The following ITPR2 variants were observed in gnomAD, a reference collection of about 807,000 sequenced individuals.
ITPR2 encodes the protein inositol 1,4,5-trisphosphate receptor type 2.
A neutral mutation model predicts 317.1 loss-of-function variants in ITPR2; 207 were observed. The ratio of observed to expected loss-of-function variants is 0.65; its 90% CI spans 0.58 to 0.73. The LOEUF (loss-of-function observed/expected upper bound fraction) is 0.73, where lower values mean the gene tolerates loss of function less well. ITPR2 is among the 30% of genes least tolerant of loss of function. The probability of loss-of-function intolerance (pLI) is 0.00; values close to 1 mark genes in which losing one functional copy is unlikely to be tolerated. For missense variants in ITPR2, 2,613 were observed against 3,284.0 expected (o/e 0.80, Z 4.99); for synonymous variants, 1,156 against 1,149.1 (o/e 1.01, Z -0.12).
rs773624105 is a variant in ITPR2 at position 26,724,709 on chromosome 12, A to G, written c.313T>C (p.Ser105Pro). 1.2e-6 allele frequency: 2 copies of G among 1,606,716 alleles called. No individual in the cohort carries two copies. Among genetic ancestry groups the G allele is most frequent in the East Asian group, 2.2e-5 (1 of 44,656 alleles). ...AAELEQKQNE[S>P]ENKKLLGEIV... Reference sequence around the variant, plus strand: ...TCTCCCAACAGTTTCTTATTCTCCGATTCATTTTGTTTTTGTTCCAGTTCT... The same window carrying G: ...TCTCCCAACAGTTTCTTATTCTCCGGTTCATTTTGTTTTTGTTCCAGTTCT... Residue 105 changes from serine to proline, a missense_variant, in exon 4 of 57, where the codon TCG (serine) becomes CCG (proline). Ser to Pro is a moderately conservative substitution (Grantham distance 74, BLOSUM62 -1). This residue lies in a region of ITPR2 where 515 missense variants were observed against 789.4 expected (regional missense o/e 0.65). Transcript: ENST00000381340.
intron 21 of ITPR2, chr12:26,648,605 C>T (rs1450798676): frequency 8.5e-6 from 1 of 118,084 alleles, no homozygotes; most frequent in Non-Finnish European, 1.9e-5. Context: ...TGAGAGGAGT[C>T]CATATGAAAA....
rs554418040 is a variant in ITPR2, at chr12:26,695,654, G to C, written c.952-4C>G. 1.7e-5 allele frequency: 27 copies of C among 1,610,478 alleles called. No homozygotes were observed. In the South Asian group the frequency reaches 2.1e-4, roughly 12 times the overall value. On this transcript the variant is annotated splice_region_variant and splice_polypyrimidine_tract_variant and intron_variant, in intron 9 of 56. Coordinates refer to ENST00000381340, the MANE Select transcript of ITPR2 (RefSeq NM_002223.4). ...CATCTCGATAATCAGGATTAAGCTAGAAAAACAAAGGAAAATTTAGTTTTT... is the reference window on the plus strand; with the variant it reads ...CATCTCGATAATCAGGATTAAGCTACAAAAACAAAGGAAAATTTAGTTTTT...
intron 55 of ITPR2, among the ~76,000 whole-genome samples, chr12:26,350,089 A>G (rs1938433031): frequency 6.6e-6 from 1 of 152,104 alleles, no homozygotes; most frequent in African/African-American, 2.4e-5. Flanking sequence ...CTACCATGTT[A>G]TGGATGGTCC....
intron 55 of ITPR2, among the ~76,000 whole-genome samples, chr12:26,367,515 A>G (rs192361842): frequency 2.6e-5 from 4 of 152,348 alleles, no homozygotes; most frequent in Admixed American, 6.5e-5. Flanking sequence ...TGAAGATAGT[A>G]AAGGATAAGA....
intron 37 of ITPR2, among the ~76,000 whole-genome samples, chr12:26,496,286 C>T (rs1942929451): frequency 6.6e-6 from 1 of 152,208 alleles, no homozygotes; most frequent in African/African-American, 2.4e-5. Flanking sequence ...CAACTCTTGG[C>T]TACAAAATCC....
At chr12:26,782,793 G>GAAACT (rs1406222544) in intron 2 of ITPR2, among the ~76,000 whole-genome samples, 1 of 152,232 alleles carries the variant, frequency 6.6e-6, no homozygotes, top group Non-Finnish European at 1.5e-5. Context: ...AATCTTAGTT[G>GAAACT]ATTTCAAATC....
At chr12:26,500,719 G>A (rs1591834267) in intron 37 of ITPR2, among the ~76,000 whole-genome samples, 1 of 152,150 alleles carries the variant, frequency 6.6e-6, no homozygotes, top group East Asian at 1.9e-4. Flanking sequence ...CCCACTCCCT[G>A]TTACACCGAG....
chr12:26,811,055 A>C (rs915520481), intron 1 of ITPR2, among the ~76,000 whole-genome samples: 1 of 132,960 alleles, frequency 7.5e-6, no homozygotes, highest in African/African-American at 2.6e-5. Context: ...AAAAAAAAAA[A>C]AAAAACAGAA....
intron 9 of ITPR2, among the ~76,000 whole-genome samples, chr12:26,706,475 T>G (rs966400046): frequency 6.6e-6 from 1 of 152,174 alleles, no homozygotes; most frequent in Admixed American, 6.5e-5. Context: ...GTTTGTATGG[T>G]GCCACACACC....
chr12:26,759,217 G>A (rs1338893958), intron 2 of ITPR2, among the ~76,000 whole-genome samples: 1 of 152,176 alleles, frequency 6.6e-6, no homozygotes, highest in African/African-American at 2.4e-5. Flanking sequence ...TAGCAAACAG[G>A]AAGAATTTCT....
At chr12:26,408,368 T>A (rs1940426260) in intron 52 of ITPR2, among the ~76,000 whole-genome samples, 1 of 152,246 alleles carries the variant, frequency 6.6e-6, no homozygotes, top group Non-Finnish European at 1.5e-5. Flanking sequence ...AAATATTTAC[T>A]TTTTAAATTT....
At chr12:26,557,866 A>T (rs1034637729) in intron 35 of ITPR2, among the ~76,000 whole-genome samples, 20 of 152,224 alleles carry the variant, frequency 1.3e-4, no homozygotes, top group Non-Finnish European at 2.8e-4. Context: ...AGAAGAAAAA[A>T]AAACTAACTT....
chr12:26,610,325 T>G (rs1946233355), intron 26 of ITPR2, among the ~76,000 whole-genome samples: 4 of 152,208 alleles, frequency 2.6e-5, no homozygotes, highest in Admixed American at 2.6e-4. Flanking sequence ...AGAACCTTCT[T>G]AATATATATC....
At chr12:26,515,935 T>A (rs1943475837) in intron 37 of ITPR2, among the ~76,000 whole-genome samples, 1 of 146,926 alleles carries the variant, frequency 6.8e-6, no homozygotes, top group African/African-American at 2.5e-5. Flanking sequence ...CATGGAAAAA[T>A]TCCATCTCTA....
intron 37 of ITPR2, among the ~76,000 whole-genome samples, chr12:26,526,348 T>C (rs1433814418): frequency 1.3e-5 from 2 of 152,120 alleles, no homozygotes; most frequent in Non-Finnish European, 2.9e-5. Context: ...GGCACATGAA[T>C]AGCCAAGGGA....
intron 39 of ITPR2, among the ~76,000 whole-genome samples, chr12:26,492,103 T>G (rs758068652): frequency 1.3e-5 from 2 of 151,708 alleles, no homozygotes; most frequent in Non-Finnish European, 2.9e-5. Flanking sequence ...TAAGAAGAAA[T>G]GGTAGGAGGT....
chr12:26,731,882 A>G (rs1223177839), intron 2 of ITPR2, among the ~76,000 whole-genome samples: 1 of 152,236 alleles, frequency 6.6e-6, no homozygotes, highest in African/African-American at 2.4e-5. Flanking sequence ...AGCTGAAAAT[A>G]CAACTCTAGG....
At chr12:26,801,888 TA>T (rs751619183) in intron 1 of ITPR2, among the ~76,000 whole-genome samples, 561 of 139,818 alleles carry the variant, frequency 4.0e-3, no homozygotes, top group East Asian at 9.7e-3. Context: ...TACTTCATGT[TA>T]AAAAAAAAAA....
At chr12:26,672,726 C>CA (rs1235468717) in intron 13 of ITPR2, among the ~76,000 whole-genome samples, 5 of 152,014 alleles carry the variant, frequency 3.3e-5, no homozygotes, top group South Asian at 2.1e-4. Context: ...GAAATAGACA[C>CA]AAAAAACCCT....
Sources: allele counts gnomAD v4.1 joint callset (sites outside exome capture counted in the v4.1 genomes callset), GRCh38; gene constraint gnomAD v4.1.1; regional missense constraint gnomAD v4.1.1; transcripts MANE v1.5; gene names NCBI Gene and HGNC (gene_info 2026-07-23, HGNC 2026-07-21).